BBS9: variants seen among roughly 807,000 people sequenced by gnomAD.
BBS9 encodes Bardet-Biedl syndrome 9, also known as protein PTHB1.
BBS9 carries 89 observed loss-of-function variants against 117.7 expected under a neutral mutation model. The observed-to-expected ratio is 0.76, with a 90% CI of 0.64 to 0.90. The LOEUF (loss-of-function observed/expected upper bound fraction) is 0.90, where lower values mean the gene tolerates loss of function less well. Among genes scored for constraint, BBS9 ranks in the 40% least tolerant of loss-of-function variants. BBS9 has a pLI of 0.00. For synonymous variants in BBS9, 379 were observed against 370.9 expected, an observed-to-expected ratio of 1.02 and a Z score of -0.25; for missense variants, 982 against 1,042.2, an observed-to-expected ratio of 0.94 and a Z score of 0.80.
chr7:33,554,056 G>A (rs961351891), intron 21 of BBS9, among the ~76,000 whole-genome samples: 2 of 152,028 alleles, frequency 1.3e-5, no homozygotes, highest in East Asian at 3.9e-4. Context: ...CAAGCTGAAG[G>A]AATAGAAGTT....
intron 21 of BBS9, among the ~76,000 whole-genome samples, chr7:33,616,210 G>A (rs1284305342): frequency 6.7e-6 from 1 of 149,034 alleles, no homozygotes. Flanking sequence ...AATAAACAAT[G>A]TATTAAAATA....
intron 19 of BBS9, among the ~76,000 whole-genome samples, chr7:33,491,720 AG>A (rs1403623655): frequency 6.6e-6 from 1 of 152,208 alleles, no homozygotes; most frequent in African/African-American, 2.4e-5. Context: ...GTGCTTTGAG[AG>A]AGAAGATGTG....
At chr7:33,522,717 A>G (rs1466582470) in intron 20 of BBS9, among the ~76,000 whole-genome samples, 1 of 149,948 alleles carries the variant, frequency 6.7e-6, no homozygotes, top group African/African-American at 2.4e-5. Context: ...CTCTGATGGT[A>G]GTTTCTTTTG....
chr7:33,473,418 G>T (rs1841364938), intron 19 of BBS9, among the ~76,000 whole-genome samples: 1 of 151,420 alleles, frequency 6.6e-6, no homozygotes, highest in Non-Finnish European at 1.5e-5. Context: ...CCGCCTCCTG[G>T]GTTCAAGCAG....
At chr7:33,499,145 G>A (rs539074844) in intron 19 of BBS9, among the ~76,000 whole-genome samples, 23 of 152,306 alleles carry the variant, frequency 1.5e-4, no homozygotes, top group Non-Finnish European at 2.2e-4. Context: ...ATCCTATTAT[G>A]TGTGCAAATA....
intron 9 of BBS9, among the ~76,000 whole-genome samples, chr7:33,306,352 T>G (rs1229623141): frequency 6.6e-6 from 1 of 152,214 alleles, no homozygotes; most frequent in South Asian, 2.1e-4. Context: ...AAGGCCATCA[T>G]GCTACTGAAG....
rs111252198 is a variant in BBS9 at position 33,413,653 on chromosome 7, T to TA, written c.2115+25519dup. On this transcript the variant is annotated intron_variant, in intron 19 of 22. Coordinates refer to ENST00000242067, the MANE Select transcript of BBS9 (RefSeq NM_198428.3). Reference sequence around the variant, plus strand: ...GCTGGAGAGAGCCAACAGTTGCGTGTAAAAAAAAAACAGAATGTGGATATG... The same window carrying TA: ...GCTGGAGAGAGCCAACAGTTGCGTGTAAAAAAAAAAACAGAATGTGGATATG... Among the ~76,000 whole-genome samples, 1,003 of 147,210 alleles carry TA rather than the reference T, an allele frequency of 6.8e-3. 9 individuals carry two copies. The highest frequency in any genetic ancestry group is 0.024 in the Middle Eastern group (7 of 290).
In BBS9 at chr7:33,623,684, C is replaced by T. The variant is rs112349698; in HGVS notation, c.2522-11493C>T. On this transcript the variant is annotated intron_variant, in intron 21 of 21. Coordinates refer to the BBS9 transcript ENST00000671952. ...ATTCTTACTGTGGGGTACTACACAG[C>T]AACAAAAGTTAATTAAAGCTACAAG... Among the ~76,000 whole-genome samples the T allele has an allele frequency of 4.7e-3, 713 of 152,242 alleles. 3 individuals carry two copies. Among genetic ancestry groups the T allele is most frequent in the Non-Finnish European group, 7.7e-3 (526 of 68,008 alleles).
At chr7:33,191,810 T>G (rs1398108928) in intron 5 of BBS9, among the ~76,000 whole-genome samples, 1 of 152,222 alleles carries the variant, frequency 6.6e-6, no homozygotes, top group African/African-American at 2.4e-5. Context: ...ACAGAAGAGA[T>G]TGAAACTTGA....
At chr7:33,303,617 C>A (rs1807047211) in intron 9 of BBS9, among the ~76,000 whole-genome samples, 1 of 150,614 alleles carries the variant, frequency 6.6e-6, no homozygotes, top group Non-Finnish European at 1.5e-5. Flanking sequence ...GCCTCGGGCT[C>A]CCATGATTCA....
chr7:33,302,509 C>T (rs891035558), intron 9 of BBS9, among the ~76,000 whole-genome samples: 8 of 152,084 alleles, frequency 5.3e-5, no homozygotes, highest in Non-Finnish European at 2.9e-5. Context: ...ATCTAGGTTT[C>T]TCAGCATTAT....
intron 21 of BBS9, among the ~76,000 whole-genome samples, chr7:33,615,823 G>A (rs1392001796): frequency 2.0e-5 from 3 of 151,862 alleles, no homozygotes; most frequent in Admixed American, 6.6e-5. Context: ...AAGCTAGAGG[G>A]GAAAAACCCT....
chr7:33,522,641 A>G (rs1178867169), intron 20 of BBS9, among the ~76,000 whole-genome samples: 4 of 151,192 alleles, frequency 2.6e-5, no homozygotes, highest in Non-Finnish European at 5.9e-5. Context: ...TAGATTCTGG[A>G]TATTAGCCCT....
intron 5 of BBS9, among the ~76,000 whole-genome samples, chr7:33,227,615 C>A (rs1166018043): frequency 2.6e-5 from 4 of 152,136 alleles, no homozygotes; most frequent in South Asian, 2.1e-4. Flanking sequence ...ACCCCATTCC[C>A]AACCTTCCCC....
chr7:33,603,968 A>G (rs1864199602), intron 21 of BBS9, among the ~76,000 whole-genome samples: 1 of 152,156 alleles, frequency 6.6e-6, no homozygotes, highest in Non-Finnish European at 1.5e-5. Flanking sequence ...CTTTCCTCAG[A>G]ATGATGTGAG....
intron 5 of BBS9, among the ~76,000 whole-genome samples, chr7:33,202,815 A>G (rs1186739563): frequency 6.6e-6 from 1 of 152,214 alleles, no homozygotes; most frequent in Non-Finnish European, 1.5e-5. Context: ...GGGGGGGAAC[A>G]CAAGTCCAAA....
At chr7:33,367,997 A>C (rs1822117981) in intron 17 of BBS9, 135 bp downstream of exon 17, 1 of 749,602 alleles carries the variant, frequency 1.3e-6, no homozygotes, top group South Asian at 1.5e-5. Flanking sequence ...CATGATATTA[A>C]GTAGATAGGA....
chr7:33,617,491 T>C (rs537844165), intron 21 of BBS9, among the ~76,000 whole-genome samples: 7 of 152,248 alleles, frequency 4.6e-5, no homozygotes, highest in African/African-American at 9.6e-5. Flanking sequence ...GGATCACAGA[T>C]AATCAGGGAA....
chr7:33,423,139 A>G (rs1458143972), intron 19 of BBS9, among the ~76,000 whole-genome samples: 1 of 152,158 alleles, frequency 6.6e-6, no homozygotes, highest in Non-Finnish European at 1.5e-5. Flanking sequence ...TAGCCATGTT[A>G]AAGATACTAC....
Sources: allele counts gnomAD v4.1 joint callset (sites outside exome capture counted in the v4.1 genomes callset), GRCh38; gene constraint gnomAD v4.1.1; transcripts MANE v1.5; gene names NCBI Gene and HGNC (gene_info 2026-07-23, HGNC 2026-07-21).